Variants in SNTG1 observed in about 807,000 individuals in gnomAD.
SNTG1 encodes syntrophin gamma 1, also known as gamma-1-syntrophin.
A neutral mutation model predicts 74.7 loss-of-function variants in SNTG1; 39 were observed. The ratio of observed to expected loss-of-function variants is 0.52; its 90% CI spans 0.40 to 0.68. The LOEUF is 0.68. Among genes scored for constraint, SNTG1 ranks in the 30% least tolerant of loss-of-function variants. The pLI is 0.00. For missense variants in SNTG1, 685 were observed against 609.5 expected, an observed-to-expected ratio of 1.12 and a Z score of -1.30; for synonymous variants, 254 against 217.1, an observed-to-expected ratio of 1.17 and a Z score of -1.49.
At chr8:50,356,443 C>G (rs1477654078) in intron 2 of SNTG1, among the ~76,000 whole-genome samples, 1 of 152,140 alleles carries the variant, frequency 6.6e-6, no homozygotes, top group Non-Finnish European at 1.5e-5. Flanking sequence ...AGCAAATGCT[C>G]TATACTCTTT....
intron 13 of SNTG1, among the ~76,000 whole-genome samples, chr8:50,604,562 C>T (rs567885800): frequency 2.0e-5 from 3 of 152,158 alleles, no homozygotes; most frequent in Admixed American, 2.0e-4. Flanking sequence ...GCCAGGCTAC[C>T]ACCAATATTC....
chr8:50,704,917 C>T (rs929700531), intron 16 of SNTG1, among the ~76,000 whole-genome samples, 165 bp downstream of exon 16: 2 of 152,102 alleles, frequency 1.3e-5, no homozygotes, highest in East Asian at 3.9e-4. Flanking sequence ...AGTAATACAG[C>T]TCTGAATAAA....
At chr8:50,249,597 G>C (rs2086557225) in intron 2 of SNTG1, among the ~76,000 whole-genome samples, 1 of 152,170 alleles carries the variant, frequency 6.6e-6, no homozygotes, top group Admixed American at 6.5e-5. Flanking sequence ...CACAAAATTT[G>C]ACTTCCATGC....
intron 1 of SNTG1, among the ~76,000 whole-genome samples, chr8:50,064,400 T>C (rs1464338004): frequency 2.0e-5 from 3 of 152,162 alleles, no homozygotes; most frequent in Non-Finnish European, 2.9e-5. Context: ...CATCTCCTTC[T>C]GCTTACCTTG....
At chr8:49,996,352 AAAG>A (rs143957087) in intron 1 of SNTG1, among the ~76,000 whole-genome samples, 2,955 of 152,136 alleles carry the variant, frequency 0.019, 99 homozygotes, top group African/African-American at 0.065. Flanking sequence ...GTAAAAAATT[AAAG>A]AAGAAACAGT....
chr8:50,120,924 T>G lies in SNTG1; in HGVS notation c.-102-51637T>G, dbSNP rs2080976903. Reference sequence around the variant, plus strand: ...TGCAGGACAACTGATCCTCTCTACATGTCTGGTTGCCATAACTTCGCATAA... The same window carrying G: ...TGCAGGACAACTGATCCTCTCTACAGGTCTGGTTGCCATAACTTCGCATAA... On this transcript the variant is annotated intron_variant, in intron 1 of 18. Transcript: ENST00000642720. Among the ~76,000 whole-genome samples, 2 of 142,198 alleles carry G rather than the reference T, an allele frequency of 1.4e-5. 1 individual carries two copies. The highest frequency in any genetic ancestry group is 3.1e-5 in the Non-Finnish European group (2 of 63,836). The allele number at this position is 142,198 out of a possible 152,430, so 93.3% of individuals were successfully genotyped here.
chr8:50,023,441 G>T (rs1013626249), intron 1 of SNTG1, among the ~76,000 whole-genome samples: 22 of 152,214 alleles, frequency 1.4e-4, no homozygotes, highest in African/African-American at 5.3e-4. Flanking sequence ...CACTTAAAAT[G>T]GCATTATTTT....
At chr8:50,733,586 G>A (rs193226129) in intron 17 of SNTG1, among the ~76,000 whole-genome samples, 56 of 151,862 alleles carry the variant, frequency 3.7e-4, no homozygotes, top group Admixed American at 2.1e-3. Flanking sequence ...AGCCTTACCA[G>A]GATCTGTTGT....
intron 2 of SNTG1, among the ~76,000 whole-genome samples, chr8:50,266,828 A>C (rs1433167924): frequency 1.3e-5 from 2 of 151,678 alleles, no homozygotes; most frequent in Non-Finnish European, 2.9e-5. Flanking sequence ...CCACAGTGCT[A>C]CTCTTCACTT....
chr8:50,709,863 C>T (rs563047218), intron 17 of SNTG1, among the ~76,000 whole-genome samples: 1 of 152,252 alleles, frequency 6.6e-6, no homozygotes, highest in African/African-American at 2.4e-5. Context: ...TGTTCCTTCT[C>T]ACTAATTTTA....
At chr8:50,776,743 T>C (rs959699211) in intron 18 of SNTG1, among the ~76,000 whole-genome samples, 6 of 151,830 alleles carry the variant, frequency 4.0e-5, no homozygotes, top group Non-Finnish European at 7.4e-5. Context: ...CTTTTTGTCC[T>C]TTTTAAGCCA....
At chr8:50,674,245 G>A (rs2095299341) in intron 15 of SNTG1, among the ~76,000 whole-genome samples, 1 of 152,074 alleles carries the variant, frequency 6.6e-6, no homozygotes, top group Admixed American at 6.6e-5. Context: ...GTTTCAGAAG[G>A]AATGGTACCA....
intron 4 of SNTG1, among the ~76,000 whole-genome samples, chr8:50,413,520 C>G (rs1463300440): frequency 6.6e-6 from 1 of 152,074 alleles, no homozygotes; most frequent in East Asian, 1.9e-4. Context: ...CCATCCACGC[C>G]CCATGGTAAT....
At chr8:50,178,593 C>T (rs192922088) in intron 2 of SNTG1, among the ~76,000 whole-genome samples, 12 of 152,286 alleles carry the variant, frequency 7.9e-5, no homozygotes, top group Non-Finnish European at 1.5e-4. Context: ...ATATCTTCCT[C>T]TATTTATCTG....
Position 50,708,919 on chromosome 8 carries a change from C to G in SNTG1, c.1225C>G (p.Leu409Val). ...CTATGCATGTGTGCTAGAAAGTCAT[C>G]TAATGGGACTCACAATTGATTTCAG... Reference protein sequence around the residue: ...KTYACVLESHLMGLTIDFSTG... With the variant: ...KTYACVLESHVMGLTIDFSTG... Residue 409 changes from leucine to valine, a missense_variant, in exon 17 of 19, where the codon CTA becomes GTA. Coordinates refer to ENST00000642720, the MANE Select transcript of SNTG1 (RefSeq NM_018967.5). The G allele has an allele frequency of 1.9e-6, 3 of 1,613,836 alleles. No individual in the cohort carries two copies. The highest frequency in any genetic ancestry group is 2.5e-6 in the Non-Finnish European group (3 of 1,179,876).
chr8:50,136,428 A>G (rs938989698), intron 1 of SNTG1, among the ~76,000 whole-genome samples: 1 of 152,054 alleles, frequency 6.6e-6, no homozygotes, highest in Non-Finnish European at 1.5e-5. Flanking sequence ...TTATGTTTTG[A>G]CCTTTCAGTA....
At chr8:50,138,176 G>A (rs751802339) in intron 1 of SNTG1, among the ~76,000 whole-genome samples, 1 of 151,910 alleles carries the variant, frequency 6.6e-6, no homozygotes, top group Non-Finnish European at 1.5e-5. Flanking sequence ...GAATAACGAC[G>A]TCACGGCAAG....
intron 12 of SNTG1, among the ~76,000 whole-genome samples, chr8:50,589,464 G>A (rs1019243026): frequency 5.3e-5 from 8 of 150,868 alleles, no homozygotes; most frequent in Admixed American, 1.3e-4. Context: ...TTTCTATCCC[G>A]TGTTTTGCTC....
At chr8:50,182,745 G>A (rs1335834925) in intron 2 of SNTG1, among the ~76,000 whole-genome samples, 1 of 151,986 alleles carries the variant, frequency 6.6e-6, no homozygotes, top group East Asian at 1.9e-4. Context: ...CAGTGGTCAA[G>A]TTTCTGGAGT....
Sources: gnomAD v4.1 joint callset for allele counts (sites outside exome capture counted in the v4.1 genomes callset) on GRCh38, gnomAD v4.1.1 for gene constraint, MANE v1.5 for transcripts, NCBI Gene and HGNC (gene_info 2026-07-23, HGNC 2026-07-21) for gene names.